PCDH11X: variants seen among roughly 807,000 people sequenced by gnomAD.
PCDH11X encodes protocadherin 11 X-linked.
In PCDH11X, 18 loss-of-function variants were observed where a neutral mutation model predicts 53.3. That is an observed-to-expected ratio of 0.34 (90% CI 0.23 to 0.50). PCDH11X has a LOEUF of 0.50. Among genes scored for constraint, PCDH11X ranks in the 20% least tolerant of loss-of-function variants. The pLI is 0.98. For missense variants in PCDH11X, 570 were observed against 1,032.4 expected, an observed-to-expected ratio of 0.55 and a Z score of 6.14; for synonymous variants, 279 against 393.3, an observed-to-expected ratio of 0.71 and a Z score of 3.44.
intron 6 of PCDH11X, among the ~76,000 whole-genome samples, chrX:92,190,675 A>G (rs927428087): frequency 2.7e-5 from 3 of 111,505 alleles, no homozygotes; most frequent in Admixed American, 1.9e-4. Context: ...CAATGAGTCT[A>G]CTAAATAAAT....
At chrX:91,970,246 T>C (rs1198494279) in intron 6 of PCDH11X, among the ~76,000 whole-genome samples, 1 of 111,301 alleles carries the variant, frequency 9.0e-6, no homozygotes, top group East Asian at 2.9e-4. Flanking sequence ...TTCCACCACG[T>C]GGAAGGGGAC....
At chrX:91,836,548 A>G (rs1175341506) in intron 5 of PCDH11X, among the ~76,000 whole-genome samples, 1 of 110,164 alleles carries the variant, frequency 9.1e-6, no homozygotes, top group African/African-American at 3.4e-5. Flanking sequence ...ACATATATAG[A>G]TAAATATTTT....
intron 10 of PCDH11X, among the ~76,000 whole-genome samples, chrX:92,506,242 T>C (rs1489319481): frequency 1.4e-5 from 1 of 69,778 alleles, no homozygotes; most frequent in Non-Finnish European, 2.7e-5. Flanking sequence ...TTTTTTTGCC[T>C]GATTGCTCTG....
At chrX:92,183,980 A>AT (rs5902996) in intron 6 of PCDH11X, among the ~76,000 whole-genome samples, 3 of 107,544 alleles carry the variant, frequency 2.8e-5, no homozygotes, top group Middle Eastern at 9.8e-3. Flanking sequence ...ATAATAGACT[A>AT]TTTTTTTTTT....
In PCDH11X at chrX:92,215,227, C is replaced by T. The variant is rs764552816; in HGVS notation, c.3114+13772C>T. On this transcript the variant is annotated intron_variant, in intron 7 of 10. Transcript: ENST00000682573. ...AGGACAGTGGTTGCAGCGCACCGTG[C>T]GCGAGGTGAAGCAGGGCAAGGCATT... 1.6e-4 allele frequency among the ~76,000 whole-genome samples: 18 copies of T among 110,158 alleles called. No individual in the cohort carries two copies. In the South Asian group the frequency reaches 2.4e-3, roughly 14 times the overall value.
intron 10 of PCDH11X, among the ~76,000 whole-genome samples, chrX:92,528,480 A>AG (rs1286898810): frequency 9.0e-6 from 1 of 110,599 alleles, no homozygotes; most frequent in Admixed American, 9.7e-5. Flanking sequence ...TTTAGTAGAG[A>AG]GGGGGTTTCT....
At chrX:92,531,691 A>G (rs1409509767) in intron 10 of PCDH11X, among the ~76,000 whole-genome samples, 1 of 109,352 alleles carries the variant, frequency 9.1e-6, no homozygotes, top group Non-Finnish European at 1.9e-5. Context: ...ACCCATTTAT[A>G]TAATCTTCCT....
At chrX:92,579,033 G>T (rs1017529127) in intron 10 of PCDH11X, among the ~76,000 whole-genome samples, 1 of 107,689 alleles carries the variant, frequency 9.3e-6, no homozygotes, top group Non-Finnish European at 1.9e-5. Flanking sequence ...AAGAAATTCC[G>T]GGTTGGCAAT....
chrX:92,559,836 A>G (rs1158203395), intron 10 of PCDH11X, among the ~76,000 whole-genome samples: 1 of 110,626 alleles, frequency 9.0e-6, no homozygotes, highest in African/African-American at 3.3e-5. Flanking sequence ...CACAAACCGA[A>G]TTGCTCGGGG....
At chrX:92,596,300 A>G (rs1925594408) in intron 10 of PCDH11X, among the ~76,000 whole-genome samples, 1 of 111,560 alleles carries the variant, frequency 9.0e-6, no homozygotes, top group Non-Finnish European at 1.9e-5. Context: ...AGCAGGAAGA[A>G]GCCAGAGTAG....
At chrX:92,359,411 A>C (rs1251467656) in intron 8 of PCDH11X, among the ~76,000 whole-genome samples, 1 of 108,123 alleles carries the variant, frequency 9.2e-6, no homozygotes, top group Non-Finnish European at 1.9e-5. Flanking sequence ...GTCCCTTGGT[A>C]CATGCACACA....
chrX:92,008,503 T>G (rs1274532640), intron 6 of PCDH11X, among the ~76,000 whole-genome samples: 4 of 111,277 alleles, frequency 3.6e-5, no homozygotes, highest in Non-Finnish European at 7.5e-5. Flanking sequence ...CTCTGCACCA[T>G]GCCGAGGTGG....
intron 6 of PCDH11X, among the ~76,000 whole-genome samples, chrX:92,148,102 CTTT>C (rs1569389216): frequency 3.5e-3 from 64 of 18,194 alleles, no homozygotes; most frequent in Non-Finnish European, 4.9e-3. Context: ...TTCTTTCTTT[CTTT>C]CTTTCTTTCT....
intron 7 of PCDH11X, among the ~76,000 whole-genome samples, chrX:92,248,327 A>T (rs1431293581): frequency 8.9e-6 from 1 of 112,069 alleles, no homozygotes; most frequent in African/African-American, 3.2e-5. Context: ...GGTTCAAGTC[A>T]GTATCAGAAA....
chrX:92,523,657 C>G (rs974227509), intron 10 of PCDH11X, among the ~76,000 whole-genome samples: 9 of 111,670 alleles, frequency 8.1e-5, no homozygotes, highest in African/African-American at 2.9e-4. Context: ...GTTCACAGGG[C>G]TTCTCTAAGG....
intron 8 of PCDH11X, among the ~76,000 whole-genome samples, chrX:92,339,586 C>T (rs924031247): frequency 2.7e-5 from 3 of 110,899 alleles, no homozygotes; most frequent in Non-Finnish European, 3.8e-5. Context: ...GGAGCAGGCA[C>T]ATCACATGGC....
At chrX:91,973,875 A>G (rs1165366554) in intron 6 of PCDH11X, among the ~76,000 whole-genome samples, 2 of 111,180 alleles carry the variant, frequency 1.8e-5, no homozygotes, top group Non-Finnish European at 3.8e-5. Context: ...TTGGCCTCCC[A>G]AAGTGCTGGG....
intron 6 of PCDH11X, among the ~76,000 whole-genome samples, chrX:92,200,609 GA>G (rs2066373138): frequency 9.0e-6 from 1 of 111,720 alleles, no homozygotes; most frequent in Non-Finnish European, 1.9e-5. Context: ...GTTAATTCCT[GA>G]AAAGACAAGG....
chrX:91,886,063 C>T (rs907100988), intron 6 of PCDH11X, among the ~76,000 whole-genome samples: 10 of 111,587 alleles, frequency 9.0e-5, no homozygotes, highest in African/African-American at 2.9e-4. Context: ...GGCATTGAAA[C>T]TAGTTTTCCA....
Sources: allele counts gnomAD v4.1 joint callset (sites outside exome capture counted in the v4.1 genomes callset), GRCh38; gene constraint gnomAD v4.1.1; transcripts MANE v1.5; gene names NCBI Gene and HGNC (gene_info 2026-07-23, HGNC 2026-07-21).